The following PIN4 variants were observed in gnomAD, a reference collection of about 807,000 sequenced individuals.
The protein encoded by PIN4 is peptidylprolyl cis/trans isomerase, NIMA-interacting 4, also known as peptidyl-prolyl cis-trans isomerase NIMA-interacting 4.
PIN4 carries 3 observed loss-of-function variants against 8.3 expected under a neutral mutation model. The ratio of observed to expected loss-of-function variants is 0.36; its 90% CI spans 0.16 to 0.93. The LOEUF is 0.93. PIN4 is among the 40% of genes least tolerant of loss of function. PIN4 has a pLI of 0.44. For missense variants in PIN4, 75 were observed against 100.6 expected (o/e 0.75, Z 1.09); for synonymous variants, 18 against 32.5 (o/e 0.55, Z 1.52).
chrX:72,220,282 A>G (rs1046746821), intron 3 of PIN4, among the ~76,000 whole-genome samples: 1 of 111,352 alleles, frequency 9.0e-6, no homozygotes, highest in African/African-American at 3.3e-5. Flanking sequence ...GCAAATTAAA[A>G]CCACATTGAA....
intron 3 of PIN4, chrX:72,205,595 G>A: frequency 8.3e-7 from 1 of 1,211,239 alleles, no homozygotes; most frequent in Non-Finnish European, 1.1e-6. Flanking sequence ...GCATCAAATT[G>A]TTTCACAGAT....
intron 2 of PIN4, among the ~76,000 whole-genome samples, chrX:72,194,062 A>G (rs1254626425): frequency 8.9e-6 from 1 of 111,929 alleles, no homozygotes; most frequent in Non-Finnish European, 1.9e-5. Flanking sequence ...TGAATAAAGA[A>G]AAGTGTTTTA....
intron 3 of PIN4, among the ~76,000 whole-genome samples, chrX:72,234,286 A>C (rs1344394341): frequency 8.9e-6 from 1 of 112,138 alleles, no homozygotes; most frequent in African/African-American, 3.2e-5. Context: ...TCCTTGGAAG[A>C]CTAATGAATC....
In PIN4 at chrX:72,181,773, A is replaced by G. The variant is rs764456398; in HGVS notation, c.-13A>G. ...AACTGGAGCGGTTCAGCGTTCAACA[A>G]CAAGCTTCCAAGATGCCGCCCAAAG... On this transcript the variant is annotated 5_prime_UTR_variant, in exon 1 of 4. Transcript: ENST00000373669. 62 of 1,199,301 alleles carry G rather than the reference A, an allele frequency of 5.2e-5. No individual in the cohort carries two copies. Among genetic ancestry groups the G allele is most frequent in the Non-Finnish European group, 6.8e-5 (60 of 886,121 alleles).
At chrX:72,200,282 A>G (rs1198006235), downstream of PIN4, among the ~76,000 whole-genome samples, 4 of 112,522 alleles carry the variant, frequency 3.6e-5, no homozygotes, top group African/African-American at 1.3e-4. Context: ...CAGTGTTTAC[A>G]GAACAAACCT....
chrX:72,192,549 T>C (rs749547186), intron 2 of PIN4, among the ~76,000 whole-genome samples: 33 of 111,783 alleles, frequency 3.0e-4, no homozygotes, highest in African/African-American at 1.0e-3. Context: ...CACGCTTCTC[T>C]CCTACCTATA....
At chrX:72,215,943 T>TA (rs1201537240) in intron 3 of PIN4, among the ~76,000 whole-genome samples, 1 of 110,663 alleles carries the variant, frequency 9.0e-6, no homozygotes, top group Non-Finnish European at 1.9e-5. Flanking sequence ...ACATATCCCC[T>TA]ATAAAATGTT....
intron 3 of PIN4, among the ~76,000 whole-genome samples, chrX:72,210,202 A>AAATAAAT (rs2042845642): frequency 2.1e-5 from 2 of 97,197 alleles, no homozygotes; most frequent in African/African-American, 3.8e-5. Context: ...TGTCTCTTAA[A>AAATAAAT]AAATAAATAA....
chrX:72,189,149 A>C, intron 2 of PIN4, among the ~76,000 whole-genome samples: 1 of 111,133 alleles, frequency 9.0e-6, no homozygotes, highest in Non-Finnish European at 1.9e-5. Flanking sequence ...TGGGCAACAG[A>C]ATGAGACCTT....
intron 3 of PIN4, among the ~76,000 whole-genome samples, chrX:72,209,284 C>T (rs1056426525): frequency 1.8e-5 from 2 of 111,782 alleles, no homozygotes; most frequent in African/African-American, 6.5e-5. Flanking sequence ...GTGCTCATGA[C>T]TCTCAAATCA....
At chrX:72,215,845 T>C (rs1268897632) in intron 3 of PIN4, among the ~76,000 whole-genome samples, 2 of 110,648 alleles carry the variant, frequency 1.8e-5, no homozygotes, top group Non-Finnish European at 3.8e-5. Context: ...CCGCTTGGGT[T>C]CAGTGGCATA....
chrX:72,201,767 G>A (rs2042790997), downstream of PIN4, among the ~76,000 whole-genome samples: 1 of 112,903 alleles, frequency 8.9e-6, no homozygotes. Flanking sequence ...GACATAACAT[G>A]TACTGCTAAT....
At position 72,190,137 on chromosome X, in the gene PIN4, C is replaced by T. The variant is rs188111960; in HGVS notation, c.117+3603C>T. ...AATCTCCCCACTTTCTCCTAGGCTT[C>T]ATGTTTGTTTTCCTATCCCCTGCAC... On this transcript the variant is annotated intron_variant, in intron 2 of 3. Coordinates refer to ENST00000373669, the MANE Select transcript of PIN4 (RefSeq NM_006223.4). Among the ~76,000 whole-genome samples the T allele has an allele frequency of 4.3e-3, 484 of 111,276 alleles. 8 individuals are homozygous for T. The highest frequency in any genetic ancestry group is 0.015 in the African/African-American group (449 of 30,437).
chrX:72,259,724 C>CTTTT (rs761255706), intron 3 of PIN4, among the ~76,000 whole-genome samples: 11 of 69,062 alleles, frequency 1.6e-4, no homozygotes, highest in African/African-American at 1.8e-4. Context: ...AGGCCATATC[C>CTTTT]TTTTTTTTTT....
At chrX:72,188,896 A>T (rs2042717405) in intron 2 of PIN4, among the ~76,000 whole-genome samples, 1 of 112,266 alleles carries the variant, frequency 8.9e-6, no homozygotes, top group South Asian at 3.7e-4. Flanking sequence ...CTCATGAGAT[A>T]TATGGAAAGG....
chrX:72,206,491 C>T (rs45448501), intron 3 of PIN4: 48,516 of 1,209,467 alleles, frequency 0.04, 773 homozygotes, highest in Non-Finnish European at 0.049. Flanking sequence ...ATGATGAGTA[C>T]TTAGAAGAGG....
intron 3 of PIN4, chrX:72,239,170 G>C (rs750073080): frequency 5.5e-4 from 206 of 372,941 alleles, no homozygotes; most frequent in African/African-American, 5.0e-3. Context: ...AGCAGAAGGT[G>C]ATCTCTGCCT....
Position 72,197,365 on chromosome X carries a change from C to T in PIN4, c.238-3C>T. 1.7e-6 allele frequency: 2 copies of T among 1,200,062 alleles called. No homozygotes were observed. The highest frequency in any genetic ancestry group is 1.1e-6 in the Non-Finnish European group (1 of 888,636). On this transcript the variant is annotated splice_region_variant and splice_polypyrimidine_tract_variant and intron_variant, in intron 3 of 3. Coordinates refer to ENST00000373669, the MANE Select transcript of PIN4 (RefSeq NM_006223.4). The stretch of plus-strand genomic sequence containing the variant: ...GATATCACTTATCTTTTGGGTTTTT[C>T]AGGGTGACTTGGGTTGGATGACCAG...
intron 3 of PIN4, among the ~76,000 whole-genome samples, chrX:72,253,493 G>T (rs1264432879): frequency 9.0e-6 from 1 of 110,951 alleles, no homozygotes; most frequent in Non-Finnish European, 1.9e-5. Flanking sequence ...AGGCGTGGTG[G>T]TGTGCGCCTG....
Sources: allele counts gnomAD v4.1 joint callset (sites outside exome capture counted in the v4.1 genomes callset), GRCh38; gene constraint gnomAD v4.1.1; transcripts MANE v1.5; gene names NCBI Gene and HGNC (gene_info 2026-07-23, HGNC 2026-07-21).